The following CEP112 variants were observed in gnomAD, a reference collection of about 807,000 sequenced individuals.
CEP112 encodes centrosomal protein 112.
Under a neutral mutation model 153.0 loss-of-function variants are expected in CEP112, and 127 were observed. The ratio of observed to expected loss-of-function variants is 0.83; its 90% CI spans 0.72 to 0.96. The LOEUF is 0.96. Ranked by LOEUF, CEP112 falls within the 40% of genes least tolerant of loss-of-function variation. The pLI is 0.00. For synonymous variants in CEP112, 358 were observed against 374.4 expected (o/e 0.96, Z 0.51); for missense variants, 1,089 against 1,101.2 (o/e 0.99, Z 0.16).
rs561282630 is a variant in CEP112, at chr17:65,958,299, G to T, written c.1872+3164C>A. The stretch of plus-strand genomic sequence containing the variant: ...TGTTTTTGTAAGCAAAAAACTCCTT[G>T]GTTGTGTATAAAATGGAATCACCAC... On this transcript the variant is annotated intron_variant, in intron 18 of 26. Coordinates refer to ENST00000535342, the MANE Select transcript of CEP112 (RefSeq NM_001199165.4). Among the ~76,000 whole-genome samples the T allele has an allele frequency of 1.8e-3, 275 of 152,230 alleles. 3 individuals carry two copies. Among genetic ancestry groups the T allele is most frequent in the Middle Eastern group, 3.4e-3 (1 of 294 alleles).
chr17:65,709,815 TAC>T (rs1461412176), intron 23 of CEP112, among the ~76,000 whole-genome samples: 1 of 152,342 alleles, frequency 6.6e-6, no homozygotes, highest in East Asian at 1.9e-4. Flanking sequence ...AGCTACATCT[TAC>T]AGTTTTTCTT....
chr17:65,672,515 C>T (rs2047036014), intron 24 of CEP112, among the ~76,000 whole-genome samples: 1 of 152,188 alleles, frequency 6.6e-6, no homozygotes, highest in African/African-American at 2.4e-5. Flanking sequence ...ATGATATTTA[C>T]TACATATTAG....
At chr17:65,954,459 C>G (rs2061940369) in intron 18 of CEP112, among the ~76,000 whole-genome samples, 1 of 152,078 alleles carries the variant, frequency 6.6e-6, no homozygotes, top group Non-Finnish European at 1.5e-5. Context: ...GATTCTTTAA[C>G]TCCTCCAAGA....
chr17:65,794,904 G>A (rs1442174165), intron 21 of CEP112, among the ~76,000 whole-genome samples: 1 of 152,186 alleles, frequency 6.6e-6, no homozygotes, highest in African/African-American at 2.4e-5. Flanking sequence ...CACTTAGAAT[G>A]TGAGATCCAC....
In CEP112 at chr17:65,655,435, G is replaced by T; in HGVS notation, c.2698-14370C>A. The T allele has an allele frequency of 2.4e-6, 3 of 1,260,522 alleles. No individual in the cohort carries two copies. The South Asian group carries it at 3.6e-5, about 15-fold the overall frequency. The allele number at this position is 1,260,522 out of a possible 1,614,324, so 78.1% of individuals were successfully genotyped here. A position where few individuals can be genotyped will look rare whatever the true frequency, so the allele number is the denominator to read the frequency against. ...GACATGAAGATAACATTTTGTCTTT[G>T]ACTGCTGTCTTTTGAATGGGCCACA... On this transcript the variant is annotated intron_variant, in intron 24 of 26. Coordinates refer to ENST00000535342, the MANE Select transcript of CEP112 (RefSeq NM_001199165.4).
At chr17:65,767,401 A>G in intron 21 of CEP112, among the ~76,000 whole-genome samples, 1 of 152,094 alleles carries the variant, frequency 6.6e-6, no homozygotes, top group Middle Eastern at 3.2e-3. Flanking sequence ...GTCCCATAAG[A>G]GGAAAGTTTA....
At chr17:65,637,820 A>T (rs1365424680) in intron 25 of CEP112, among the ~76,000 whole-genome samples, 1 of 152,216 alleles carries the variant, frequency 6.6e-6, no homozygotes, top group Admixed American at 6.5e-5. Flanking sequence ...CTGGGCATGT[A>T]GCTGGTTTCA....
Position 65,902,313 on chromosome 17 carries a change from G to A in CEP112, c.2002C>T (p.His668Tyr), listed in dbSNP as rs781455707. 1.1e-5 allele frequency: 18 copies of A among 1,613,044 alleles called. No homozygotes were observed. Among genetic ancestry groups the A allele is most frequent in the Non-Finnish European group, 1.5e-5 (18 of 1,179,732 alleles). ...EQQIVELKLE[H>Y]EQEKTHLLQQ... is the part of the protein sequence containing the mutation. ...AATAGGTGCGTCTTCTCCTGTTCAT[G>A]CTCCAGCTTCAGCTCTACTATCTGA... Residue 668 changes from histidine (H) to tyrosine (Y), a missense_variant, in exon 20 of 27, where the codon CAT (histidine) becomes TAT (tyrosine). Coordinates refer to ENST00000535342, the MANE Select transcript of CEP112 (RefSeq NM_001199165.4).
Position 65,665,844 on chromosome 17 carries a change from T to A in CEP112, c.2697+23285A>T, listed in dbSNP as rs2046664113. ...TTCCCTGCCAAGGACCTAGACTTTG[T>A]ACCCTATGAGCTGGCCCCAGCAGTC... is the stretch of plus-strand genomic sequence containing the variant. On this transcript the variant is annotated intron_variant, in intron 24 of 26. Coordinates refer to ENST00000535342, the MANE Select transcript of CEP112 (RefSeq NM_001199165.4). Among the ~76,000 whole-genome samples, 3 of 152,160 alleles carry A rather than the reference T, an allele frequency of 2.0e-5. No individual in the cohort carries two copies. In the South Asian group the frequency reaches 6.2e-4, roughly 32 times the overall value.
At chr17:65,782,670 G>A (rs1833349) in intron 21 of CEP112, among the ~76,000 whole-genome samples, 52,027 of 152,006 alleles carry the variant, frequency 0.34, 10,468 homozygotes, top group Middle Eastern at 0.46. Flanking sequence ...CAAAAAGGGC[G>A]AAATCATGTC....
At chr17:65,737,034 GT>G (rs1256499304) in intron 23 of CEP112, among the ~76,000 whole-genome samples, 1 of 152,166 alleles carries the variant, frequency 6.6e-6, no homozygotes, top group Non-Finnish European at 1.5e-5. Flanking sequence ...CTCCAAAAGT[GT>G]TTGTTAGGCA....
intron 16 of CEP112, among the ~76,000 whole-genome samples, chr17:66,018,058 A>G (rs906162254): frequency 6.6e-6 from 1 of 152,162 alleles, no homozygotes; most frequent in African/African-American, 2.4e-5. Context: ...CAAACAACCT[A>G]GAAAGAGATA....
chr17:66,174,917 G>T, intron 4 of CEP112, 127 bp downstream of exon 4: 1 of 515,456 alleles, frequency 1.9e-6, no homozygotes, highest in Non-Finnish European at 3.2e-6. Context: ...AAATAATCTT[G>T]AATGTGCAGT....
At chr17:65,749,009 C>T (rs941978735) in intron 22 of CEP112, among the ~76,000 whole-genome samples, 2 of 152,070 alleles carry the variant, frequency 1.3e-5, no homozygotes, top group African/African-American at 4.8e-5. Context: ...TTAATTTAAA[C>T]TTTAACTTTT....
Position 66,096,315 on chromosome 17 carries a change from A to T in CEP112, c.704T>A (p.Phe235Tyr), listed in dbSNP as rs759860201. 1.2e-6 allele frequency: 2 copies of T among 1,613,306 alleles called. No homozygotes were observed. The highest frequency in any genetic ancestry group is 2.7e-5 in the African/African-American group (2 of 75,026). ...PIPVSLMTPK[F>Y]SLRKSSSFHD... The stretch of plus-strand genomic sequence containing the variant: ...GAAACTGCTGGATTTTCTCAGGCTG[A>T]ATTTCGGTGTCATCTGCTAAATGAA... The change falls in exon 8 of 27, where the codon TTC becomes TAC. Residue 235 changes from phenylalanine (F) to tyrosine (Y), a missense_variant. Phe to Tyr is a conservative substitution (Grantham distance 22). Coordinates refer to ENST00000535342, the MANE Select transcript of CEP112 (RefSeq NM_001199165.4).
At chr17:66,158,554 G>A (rs1000133366) in intron 4 of CEP112, among the ~76,000 whole-genome samples, 4 of 152,112 alleles carry the variant, frequency 2.6e-5, no homozygotes, top group African/African-American at 9.7e-5. Flanking sequence ...GGAGCTTGCA[G>A]TCAGCCGAGA....
At chr17:66,054,391 G>C (rs2066587280) in intron 11 of CEP112, among the ~76,000 whole-genome samples, 1 of 152,264 alleles carries the variant, frequency 6.6e-6, no homozygotes, top group African/African-American at 2.4e-5. Context: ...CAGACAAAAA[G>C]ATCACATTTA....
chr17:65,695,539 C>T (rs1334666330), intron 23 of CEP112, among the ~76,000 whole-genome samples: 1 of 152,052 alleles, frequency 6.6e-6, no homozygotes, highest in African/African-American at 2.4e-5. Context: ...GTCAATTAAA[C>T]AAGAATAAAG....
intron 24 of CEP112, among the ~76,000 whole-genome samples, chr17:65,666,864 G>A (rs2046719869): frequency 6.6e-6 from 1 of 152,026 alleles, no homozygotes; most frequent in African/African-American, 2.4e-5. Context: ...AAGGTACTTG[G>A]TTCCTTTGTA....
Sources: gnomAD v4.1 joint callset for allele counts (sites outside exome capture counted in the v4.1 genomes callset) on GRCh38, gnomAD v4.1.1 for gene constraint, MANE v1.5 for transcripts, NCBI Gene and HGNC (gene_info 2026-07-23, HGNC 2026-07-21) for gene names.